The following PTPRT variants were observed in gnomAD, a reference collection of about 807,000 sequenced individuals.
PTPRT encodes the protein protein tyrosine phosphatase receptor type T.
PTPRT carries 56 observed loss-of-function variants against 176.8 expected under a neutral mutation model. The observed-to-expected ratio is 0.32, with a 90% CI of 0.26 to 0.40. The LOEUF is 0.40. Ranked by LOEUF, PTPRT falls within the 10% of genes least tolerant of loss-of-function variation. The pLI, the probability that PTPRT is intolerant of heterozygous loss-of-function variation, is 1.00. For synonymous variants in PTPRT, 783 were observed against 739.0 expected (o/e 1.06, Z -0.96); for missense variants, 1,540 against 1,908.2 (o/e 0.81, Z 3.60).
In PTPRT at chr20:42,586,434, C is replaced by A. The variant is rs954186343; in HGVS notation, c.1153+91432G>T. ...GTCAGGTTCACAAAGTACATTTCTA[C>A]CCCTGCTGTGGGGAAGGGATCACAA... On this transcript the variant is annotated intron_variant, in intron 7 of 30. Transcript: ENST00000373187. 3.9e-5 allele frequency among the ~76,000 whole-genome samples: 6 copies of A among 152,166 alleles called. No individual in the cohort carries two copies. In the East Asian group the frequency reaches 1.2e-3, roughly 29 times the overall value.
At chr20:42,970,684 AAT>A (rs1568709136) in intron 1 of PTPRT, 1 of 152,198 alleles carries the variant, frequency 6.6e-6, no homozygotes, top group Non-Finnish European at 1.5e-5. Context: ...AGGATGGATA[AAT>A]AGATGCTTTG....
At chr20:42,089,139 C>T (rs1021959494) in intron 27 of PTPRT, among the ~76,000 whole-genome samples, 3 of 151,498 alleles carry the variant, frequency 2.0e-5, no homozygotes, top group Non-Finnish European at 4.4e-5. Context: ...TGTGTCTTGT[C>T]GGGCGCTGGT....
At chr20:42,248,895 A>AAC (rs2056502689) in intron 13 of PTPRT, 73 bp from the exon 14 acceptor site, 2 of 1,555,382 alleles carry the variant, frequency 1.3e-6, no homozygotes, top group East Asian at 4.6e-5. Flanking sequence ...TCATAATGAC[A>AAC]ACAGCTTCCT....
intron 6 of PTPRT, among the ~76,000 whole-genome samples, chr20:42,721,857 A>T (rs927758829): frequency 6.6e-6 from 1 of 152,086 alleles, no homozygotes; most frequent in Non-Finnish European, 1.5e-5. Context: ...CCCATTTCAG[A>T]CCATCAGTAA....
chr20:42,264,436 C>T (rs1329653712), intron 13 of PTPRT, among the ~76,000 whole-genome samples: 5 of 152,338 alleles, frequency 3.3e-5, no homozygotes, highest in Non-Finnish European at 4.4e-5. Context: ...ATCCAAGGCT[C>T]GTCTCCTCCC....
At chr20:42,974,526 G>C (rs1201404604) in intron 1 of PTPRT, among the ~76,000 whole-genome samples, 1 of 151,806 alleles carries the variant, frequency 6.6e-6, no homozygotes, top group Non-Finnish European at 1.5e-5. Context: ...GACACACACA[G>C]AGCTTCTCTG....
At chr20:42,961,491 G>C (rs994332986) in intron 1 of PTPRT, among the ~76,000 whole-genome samples, 17 of 152,246 alleles carry the variant, frequency 1.1e-4, no homozygotes, top group East Asian at 5.8e-4. Context: ...GAAGGAAGTA[G>C]AATGAGTGTC....
intron 2 of PTPRT, among the ~76,000 whole-genome samples, chr20:42,841,710 C>A (rs8125837): frequency 0.087 from 13,087 of 151,052 alleles, 708 homozygotes; most frequent in Admixed American, 0.15. Flanking sequence ...ACTATATGTA[C>A]GAGAATGTCA....
chr20:43,122,307 GA>G (rs2013289819), intron 1 of PTPRT, among the ~76,000 whole-genome samples: 1 of 152,324 alleles, frequency 6.6e-6, no homozygotes, highest in Admixed American at 6.5e-5. Flanking sequence ...ATTACTAAAT[GA>G]TTCCTACTCC....
chr20:42,583,084 G>A (rs1413833110), intron 7 of PTPRT, among the ~76,000 whole-genome samples: 4 of 152,234 alleles, frequency 2.6e-5, no homozygotes, highest in Middle Eastern at 3.4e-3. Flanking sequence ...CCTGGCACAT[G>A]CAAATATATG....
At chr20:43,044,209 C>A (rs1049354283) in intron 1 of PTPRT, among the ~76,000 whole-genome samples, 2 of 152,096 alleles carry the variant, frequency 1.3e-5, no homozygotes, top group Non-Finnish European at 2.9e-5. Context: ...GGAAGCCCAG[C>A]AGAAGGGCAA....
intron 1 of PTPRT, among the ~76,000 whole-genome samples, chr20:43,058,607 T>A (rs1161311397): frequency 6.6e-6 from 1 of 152,194 alleles, no homozygotes; most frequent in Non-Finnish European, 1.5e-5. Context: ...CAATATGTCA[T>A]TAAGCAATAA....
At chr20:42,300,756 G>A (rs908472674) in intron 12 of PTPRT, among the ~76,000 whole-genome samples, 2 of 147,988 alleles carry the variant, frequency 1.4e-5, no homozygotes, top group Non-Finnish European at 3.0e-5. Context: ...CTTTTTATTT[G>A]TATTATTATT....
intron 1 of PTPRT, among the ~76,000 whole-genome samples, chr20:42,887,791 T>C (rs1348417090): frequency 2.0e-5 from 3 of 152,212 alleles, no homozygotes; most frequent in African/African-American, 7.2e-5. Flanking sequence ...GCAACTACTA[T>C]GGTCCAAATG....
intron 6 of PTPRT, among the ~76,000 whole-genome samples, chr20:42,703,235 G>A (rs951598598): frequency 6.6e-5 from 10 of 152,042 alleles, no homozygotes; most frequent in Non-Finnish European, 1.2e-4. Flanking sequence ...GAGAGAGAGA[G>A]ACAGAGACAG....
intron 6 of PTPRT, among the ~76,000 whole-genome samples, chr20:42,723,441 T>A (rs548257061): frequency 2.0e-5 from 3 of 152,212 alleles, no homozygotes; most frequent in East Asian, 1.9e-4. Context: ...GTGGGGCAGC[T>A]CCCACAGAGC....
chr20:42,750,538 A>G (rs900698788), intron 6 of PTPRT, among the ~76,000 whole-genome samples: 3 of 152,176 alleles, frequency 2.0e-5, no homozygotes, highest in African/African-American at 4.8e-5. Context: ...TCTTGATCCT[A>G]ACAACCTCCC....
At chr20:42,108,055 G>C (rs1386824625) in intron 23 of PTPRT, among the ~76,000 whole-genome samples, 5 of 152,120 alleles carry the variant, frequency 3.3e-5, no homozygotes, top group Admixed American at 1.3e-4. Flanking sequence ...GGGGTCACTC[G>C]TGTTTTTTTC....
intron 7 of PTPRT, among the ~76,000 whole-genome samples, chr20:42,542,806 TA>T (rs2072606996): frequency 6.6e-6 from 1 of 152,214 alleles, no homozygotes; most frequent in African/African-American, 2.4e-5. Context: ...ATAGCCATTT[TA>T]AAAAGCTCTT....
Sources: gnomAD v4.1 joint callset for allele counts (sites outside exome capture counted in the v4.1 genomes callset) on GRCh38, gnomAD v4.1.1 for gene constraint, MANE v1.5 for transcripts, NCBI Gene and HGNC (gene_info 2026-07-23, HGNC 2026-07-21) for gene names.